ZNF418: variants seen among roughly 807,000 people sequenced by gnomAD.
ZNF418 encodes zinc finger protein 418.
ZNF418 carries 32 observed loss-of-function variants against 32.0 expected under a neutral mutation model. The observed-to-expected ratio is 1.00, with a 90% confidence interval of 0.75 to 1.34. The LOEUF (loss-of-function observed/expected upper bound fraction) is 1.34, where lower values mean the gene tolerates loss of function less well. ZNF418 is among the 40% of genes most tolerant of loss of function. The pLI, the probability that ZNF418 is intolerant of heterozygous loss-of-function variation, is 0.00. For missense variants in ZNF418, 804 were observed against 812.5 expected (o/e 0.99, Z 0.13); for synonymous variants, 276 against 270.7 (o/e 1.02, Z -0.19).
rs149495786 is a variant in ZNF418, at chr19:57,932,644, G to C, written c.6+1173C>G. 2.3e-5 allele frequency: 33 copies of C among 1,427,538 alleles called. No homozygotes were observed. The Admixed American group carries it at 3.2e-4, about 14-fold the overall frequency. 88.4% of individuals were successfully genotyped at this position (1,427,538 alleles called of 1,614,324 possible). A position where few individuals can be genotyped will look rare whatever the true frequency, so the allele number is the denominator to read the frequency against. On this transcript the variant is annotated intron_variant, in intron 2 of 5. Transcript: ENST00000396147. ...ATCCCACTCCCTTGTTATGGAGAAT[G>C]GTCTAAGAAAAGTGGAAAACAAAAG...
intron 4 of ZNF418, among the ~76,000 whole-genome samples, chr19:57,923,647 T>C (rs571782032): frequency 6.6e-6 from 1 of 152,044 alleles, no homozygotes; most frequent in South Asian, 2.1e-4. Flanking sequence ...CGATCTTGGC[T>C]CACGGCAAGC....
chr19:57,928,940 G>C (rs1438156950), intron 3 of ZNF418, among the ~76,000 whole-genome samples: 1 of 152,160 alleles, frequency 6.6e-6, no homozygotes, highest in Admixed American at 6.5e-5. Context: ...CTTGCAGTGA[G>C]CTGAGATCAC....
chr19:57,929,169 C>T (rs1397288022), intron 3 of ZNF418, among the ~76,000 whole-genome samples: 1 of 152,118 alleles, frequency 6.6e-6, no homozygotes, highest in African/African-American at 2.4e-5. Flanking sequence ...GTACAAGTGA[C>T]AAGGTGTACA....
rs563253023 is a variant in ZNF418 at position 57,926,377 on chromosome 19, G to C, written c.1804C>G (p.Arg602Gly). 2 of 1,612,544 alleles carry C rather than the reference G, an allele frequency of 1.2e-6. No individual in the cohort carries two copies. The highest frequency in any genetic ancestry group is 2.7e-5 in the African/African-American group (2 of 74,818). Reference protein sequence around the residue: ...ECRECGKTFTRRSAHFKHQRL... With the variant: ...ECRECGKTFTGRSAHFKHQRL... The stretch of plus-strand genomic sequence containing the variant: ...TGATGTTTAAAATGCGCAGACCTTC[G>C]AGTAAATGTTTTTCCACATTCCCTG... Residue 602 changes from arginine to glycine, a missense_variant, in exon 4 of 6, where the codon CGA becomes GGA. Physicochemically the swap from Arg to Gly is moderately radical, Grantham distance 125. Around this residue, in one of 3 missense-constraint regions of ZNF418, gnomAD observed 475 missense variants for 458.6 expected, o/e 1.04. Transcript: ENST00000396147.
intron 3 of ZNF418, among the ~76,000 whole-genome samples, 179 bp downstream of exon 3, chr19:57,930,249 C>T (rs188920261): frequency 7.8e-4 from 118 of 152,252 alleles, no homozygotes; most frequent in African/African-American, 2.7e-3. Context: ...ATTGGGACTG[C>T]TCAAGGAGAA....
At chr19:57,934,044 A>T in intron 1 of ZNF418, 142 bp from the exon 2 acceptor site, 2 of 1,457,730 alleles carry the variant, frequency 1.4e-6, no homozygotes, top group Non-Finnish European at 1.8e-6. Flanking sequence ...GTTGACAGAA[A>T]TGGGAATACC....
In ZNF418 at chr19:57,927,664, C is replaced by G. The variant is rs920111680; in HGVS notation, c.517G>C (p.Gly173Arg). The G allele has an allele frequency of 3.7e-5, 60 of 1,613,990 alleles. 2 individuals carry two copies. In the Middle Eastern group the frequency reaches 1.2e-3, roughly 31 times the overall value. ...QSGKDFLPSS[G>R]LLLQEATHTG... ...TGAGTGGCCTCCTGCAGCAGTAATCCTGAGCTGGGCAAAAAGTCCTTTCCA... is the reference window on the plus strand; with the variant it reads ...TGAGTGGCCTCCTGCAGCAGTAATCGTGAGCTGGGCAAAAAGTCCTTTCCA... Residue 173 changes from glycine to arginine, a missense_variant, in exon 4 of 6, where the codon GGA becomes CGA. Gly to Arg is a moderately radical substitution (Grantham distance 125). Coordinates refer to ENST00000396147, the MANE Select transcript of ZNF418 (RefSeq NM_133460.3).
chr19:57,922,997 CAAAAA>C (rs34078539), intron 5 of ZNF418, among the ~76,000 whole-genome samples, 190 bp downstream of exon 5: 1 of 84,496 alleles, frequency 1.2e-5, no homozygotes, highest in Non-Finnish European at 2.3e-5. Flanking sequence ...GACACTGTCT[CAAAAA>C]AAAAAAAAAA....
intron 2 of ZNF418, among the ~76,000 whole-genome samples, chr19:57,931,014 A>C (rs1056169260): frequency 3.3e-5 from 5 of 151,688 alleles, no homozygotes; most frequent in Middle Eastern, 3.2e-3. Flanking sequence ...TGACCTCGTG[A>C]TCCACCCGCC....
chr19:57,934,258 T>A, intron 1 of ZNF418: 1 of 1,026,036 alleles, frequency 9.7e-7, no homozygotes, highest in Non-Finnish European at 1.2e-6. Flanking sequence ...AGAGTTTCGC[T>A]CTTGTTGCCC....
chr19:57,927,524 A>C lies in ZNF418; in HGVS notation c.657T>G (p.Val219=). 3.7e-6 allele frequency: 6 copies of C among 1,614,226 alleles called. No individual in the cohort carries two copies. The highest frequency in any genetic ancestry group is 5.1e-6 in the Non-Finnish European group (6 of 1,180,034). The change falls in exon 4 of 6, where the codon GTT becomes GTG. Residue 219 remains valine, a synonymous_variant. Transcript: ENST00000396147. The stretch of plus-strand genomic sequence containing the variant: ...CTCTAGAGGGAAGTCTCTGCTGTTG[A>C]ACAAATACGTGTTTGGTGCTAGAAT... ...MKHSSTKHVF[V]QQQRLPSREE...
intron 5 of ZNF418, among the ~76,000 whole-genome samples, 195 bp downstream of exon 5, chr19:57,922,997 C>CAAAA (rs34078539): frequency 2.4e-5 from 2 of 84,498 alleles, no homozygotes; most frequent in Non-Finnish European, 4.5e-5. Context: ...GACACTGTCT[C>CAAAA]AAAAAAAAAA....
Position 57,927,105 on chromosome 19 carries a change from T to C in ZNF418, c.1076A>G (p.Gln359Arg). 6.2e-7 allele frequency: 1 copy of C among 1,613,734 alleles called. No individual in the cohort carries two copies. Among genetic ancestry groups the C allele is most frequent in the Non-Finnish European group, 8.5e-7 (1 of 1,179,616 alleles). Residue 359 changes from glutamine (Q) to arginine (R), a missense_variant, in exon 4 of 6, where the codon CAA becomes CGA. By Grantham distance (43) the Gln-to-Arg change is conservative. Transcript: ENST00000396147. ...KCFTQKGNLI[Q>R]HQRGHTSERP... ...TTCACTAGTGTGACCTCGTTGATGT[T>C]GAATGAGATTGCCCTTCTGAGTAAA... is the stretch of plus-strand genomic sequence containing the variant.
chr19:57,934,160 C>G (rs117127890), intron 1 of ZNF418: 1 of 1,261,234 alleles, frequency 7.9e-7, no homozygotes, highest in Non-Finnish European at 1.0e-6. Context: ...CAGGACATCA[C>G]AAGCTAGAGA....
intron 4 of ZNF418, among the ~76,000 whole-genome samples, chr19:57,925,263 A>C (rs1015027051): frequency 6.6e-6 from 1 of 152,118 alleles, no homozygotes; most frequent in Admixed American, 6.6e-5. Context: ...GATCGAGACC[A>C]TCCTGGCTAA....
chr19:57,930,625 A>AC, intron 2 of ZNF418, 71 bp from the exon 3 acceptor site: 1 of 1,590,510 alleles, frequency 6.3e-7, no homozygotes, highest in Non-Finnish European at 8.6e-7. Context: ...CCTCTCCCAC[A>AC]CCCCCACCCC....
rs1054211264 is a variant in ZNF418, at chr19:57,933,956, C to A, written c.-80-54G>T. 1.6e-5 allele frequency: 26 copies of A among 1,597,338 alleles called. No individual in the cohort carries two copies. The African/African-American group carries it at 3.3e-4, about 21-fold the overall frequency. On this transcript the variant is annotated intron_variant, in intron 1 of 5. Transcript: ENST00000396147. ...CACCTCCTCGCCGCCCTCTTGCCTCCCCACCGAATTTTTACCTCTAAGCAT... is the reference window on the plus strand; with the variant it reads ...CACCTCCTCGCCGCCCTCTTGCCTCACCACCGAATTTTTACCTCTAAGCAT...
At position 57,926,785 on chromosome 19, in the gene ZNF418, T is replaced by C. The variant is rs1342975470; in HGVS notation, c.1396A>G (p.Lys466Glu). The C allele has an allele frequency of 1.2e-6, 2 of 1,614,138 alleles. No individual in the cohort carries two copies. Among genetic ancestry groups the C allele is most frequent in the Non-Finnish European group, 1.7e-6 (2 of 1,180,012 alleles). Reference protein sequence around the residue: ...CRECRKLFRGKSHLIEHQRVH... With the variant: ...CRECRKLFRGESHLIEHQRVH... ...CTCTGGTGTTCAATGAGGTGGGACT[T>C]GCCCCTAAATAATTTCCTACACTCT... The change falls in exon 4 of 6, where the codon AAG becomes GAG. Residue 466 changes from lysine (K) to glutamate (E), a missense_variant. Around this residue, in one of 3 missense-constraint regions of ZNF418, gnomAD observed 475 missense variants for 458.6 expected, o/e 1.04. Coordinates refer to ENST00000396147, the MANE Select transcript of ZNF418 (RefSeq NM_133460.3).
intron 2 of ZNF418, among the ~76,000 whole-genome samples, chr19:57,930,877 A>T (rs1209446163): frequency 6.6e-6 from 1 of 152,122 alleles, no homozygotes; most frequent in Non-Finnish European, 1.5e-5. Context: ...TCCTGGGTTC[A>T]AGCAATTCTC....
Sources: gnomAD v4.1 joint callset for allele counts (sites outside exome capture counted in the v4.1 genomes callset) on GRCh38, gnomAD v4.1.1 for gene constraint, gnomAD v4.1.1 regional missense constraint, MANE v1.5 for transcripts, NCBI Gene and HGNC (gene_info 2026-07-23, HGNC 2026-07-21) for gene names.